Variants in TDRD12 observed in about 807,000 individuals in gnomAD.
TDRD12 encodes the protein putative ATP-dependent RNA helicase TDRD12.
In TDRD12, 158 loss-of-function variants were observed where a neutral mutation model predicts 133.5. The observed-to-expected ratio is 1.18, with a 90% CI of 1.04 to 1.35. The LOEUF (loss-of-function observed/expected upper bound fraction) is 1.35. Ranked by LOEUF, TDRD12 falls within the 40% of genes most tolerant of loss-of-function variation. The probability of loss-of-function intolerance (pLI) is 0.00; values close to 1 mark genes in which losing one functional copy is unlikely to be tolerated. For missense variants in TDRD12, 1,443 were observed against 1,321.3 expected, an observed-to-expected ratio of 1.09 and a Z score of -1.43; for synonymous variants, 460 against 477.9, an observed-to-expected ratio of 0.96 and a Z score of 0.49.
chr19:32,778,277 G>C (rs894867820), intron 11 of TDRD12, among the ~76,000 whole-genome samples: 10 of 151,866 alleles, frequency 6.6e-5, no homozygotes, highest in Non-Finnish European at 1.5e-4. Context: ...CAAGGGTGAG[G>C]CTTTGAAAGC....
At chr19:32,820,864 G>A in intron 27 of TDRD12, 169 bp from the exon 28 acceptor site, 1 of 589,458 alleles carries the variant, frequency 1.7e-6, no homozygotes, top group Non-Finnish European at 3.0e-6. Flanking sequence ...ATCCTTGTCG[G>A]AAGGAACAGA....
chr19:32,811,397 A>C, exon 24 of TDRD12: 1 of 1,536,150 alleles, frequency 6.5e-7, no homozygotes, highest in Non-Finnish European at 8.7e-7. Flanking sequence ...ACCTGCTGAC[A>C]ACGAAATAGA....
chr19:32,759,180 A>G (rs1310526834), intron 8 of TDRD12, among the ~76,000 whole-genome samples: 2 of 152,194 alleles, frequency 1.3e-5, no homozygotes, highest in Non-Finnish European at 2.9e-5. Flanking sequence ...AGGATGTAAA[A>G]AGGAGGAGTG....
At chr19:32,826,462 A>G (rs1967592961) in exon 9 of TDRD12, 19 of 1,249,152 alleles carry the variant, frequency 1.5e-5, no homozygotes, top group Non-Finnish European at 1.9e-5. Context: ...GTGGGAGACA[A>G]ATTTTACCTG....
exon 2 of TDRD12, chr19:32,731,882 A>G (rs765587283): frequency 6.5e-7 from 1 of 1,540,716 alleles, no homozygotes; most frequent in African/African-American, 1.4e-5. Context: ...GAAGAAGGAC[A>G]GGTATGTATC....
exon 1 of TDRD12, chr19:32,719,808 G>C: frequency 1.8e-6 from 1 of 564,022 alleles, no homozygotes; most frequent in Non-Finnish European, 3.2e-6. Context: ...CGGGAGGCCC[G>C]AGGCCAGGCA....
intron 16 of TDRD12, among the ~76,000 whole-genome samples, chr19:32,798,801 G>C (rs1971303355): frequency 6.6e-6 from 1 of 152,132 alleles, no homozygotes; most frequent in Non-Finnish European, 1.5e-5. Context: ...TGGAGTATTT[G>C]CTTCTTTTTC....
At chr19:32,732,990 A>G (rs1417017970) in intron 2 of TDRD12, among the ~76,000 whole-genome samples, 1 of 152,116 alleles carries the variant, frequency 6.6e-6, no homozygotes, top group African/African-American at 2.4e-5. Flanking sequence ...CCTGGGCAAC[A>G]TAGTAAGACC....
chr19:32,720,192 C>G, intron 1 of TDRD12, 96 bp downstream of exon 1: 7 of 1,403,718 alleles, frequency 5.0e-6, no homozygotes, highest in Non-Finnish European at 5.8e-6. Context: ...CAGCTCCGCA[C>G]AGCTTCCTAC....
chr19:32,751,472 A>T (rs79028199), intron 6 of TDRD12, among the ~76,000 whole-genome samples: 1 of 152,064 alleles, frequency 6.6e-6, no homozygotes, highest in Non-Finnish European at 1.5e-5. Flanking sequence ...CATTTCATCA[A>T]TGATTCTTGG....
At chr19:32,776,750 G>A (rs1463193607) in intron 10 of TDRD12, among the ~76,000 whole-genome samples, 2 of 152,182 alleles carry the variant, frequency 1.3e-5, no homozygotes, top group African/African-American at 4.8e-5. Context: ...TGTCAGAAAT[G>A]ACTTTTATAC....
intron 26 of TDRD12, among the ~76,000 whole-genome samples, chr19:32,815,918 T>C (rs867675334): frequency 6.6e-6 from 1 of 151,764 alleles, no homozygotes; most frequent in Non-Finnish European, 1.5e-5. Context: ...CGCTTGAACC[T>C]GGGAGGCAGA....
chr19:32,728,956 AT>A (rs1296371257), intron 1 of TDRD12, among the ~76,000 whole-genome samples: 3 of 148,224 alleles, frequency 2.0e-5, no homozygotes, highest in Non-Finnish European at 4.5e-5. Context: ...CTAAATTTTT[AT>A]TTTTCATTTA....
exon 19 of TDRD12, chr19:32,801,800 A>G: frequency 4.1e-6 from 6 of 1,478,380 alleles, no homozygotes; most frequent in Non-Finnish European, 5.4e-6. Flanking sequence ...TGCATAAAGA[A>G]ATGATTTTTA....
At position 32,826,442 on chromosome 19, in the gene TDRD12, C is replaced by G; in HGVS notation, c.896-3C>G. ...CTGACTTTATTTCTTTTTATAAACC[C>G]AGTGCTTGGGTGGGAGACAAATTTT... On this transcript the variant is annotated splice_region_variant and splice_polypyrimidine_tract_variant and intron_variant, in intron 8 of 9. Transcript: ENST00000637289. The G allele has an allele frequency of 4.0e-6, 5 of 1,246,330 alleles. No individual in the cohort carries two copies. Among genetic ancestry groups the G allele is most frequent in the Non-Finnish European group, 5.0e-6 (5 of 996,424 alleles). 77.2% of individuals were successfully genotyped at this position (1,246,330 alleles called of 1,614,324 possible).
At chr19:32,728,996 G>A (rs1427595321) in intron 1 of TDRD12, among the ~76,000 whole-genome samples, 1 of 150,188 alleles carries the variant, frequency 6.7e-6, no homozygotes, top group African/African-American at 2.4e-5. Context: ...CAGCTTGTGT[G>A]TGTGTATCTA....
intron 13 of TDRD12, among the ~76,000 whole-genome samples, chr19:32,792,245 CA>C (rs901551945): frequency 5.7e-4 from 78 of 135,966 alleles, no homozygotes; most frequent in Non-Finnish European, 5.3e-4. Flanking sequence ...GACTCCGTCT[CA>C]AAAAAAAAAA....
downstream of TDRD12, among the ~76,000 whole-genome samples, chr19:32,822,353 A>G (rs756727105): frequency 3.3e-5 from 5 of 152,182 alleles, no homozygotes; most frequent in Non-Finnish European, 5.9e-5. Flanking sequence ...AATCTCTTGA[A>G]TCCAGGAGGC....
rs1017912930 is a variant in TDRD12, at chr19:32,795,796, A to G, written c.1473+983A>G. Among the ~76,000 whole-genome samples the G allele has an allele frequency of 9.2e-5, 14 of 152,186 alleles. 1 individual carries two copies. The highest frequency in any genetic ancestry group is 1.9e-4 in the Non-Finnish European group (13 of 68,020). ...TCTGCGGAAGCCTCAGGAAACTCAC[A>G]ATCATTGCAGAAGTCTAAGGGGGAG... On this transcript the variant is annotated intron_variant, in intron 14 of 27. Transcript: ENST00000444215.
Sources: allele counts gnomAD v4.1 joint callset (sites outside exome capture counted in the v4.1 genomes callset), GRCh38; gene constraint gnomAD v4.1.1; transcripts MANE v1.5; gene names NCBI Gene and HGNC (gene_info 2026-07-23, HGNC 2026-07-21).